Variants in RTN4IP1 observed in about 807,000 individuals in gnomAD.
The protein encoded by RTN4IP1 is NAD(P)H oxidoreductase RTN4IP1, mitochondrial.
RTN4IP1 carries 32 observed loss-of-function variants against 46.6 expected under a neutral mutation model. That is an observed-to-expected ratio of 0.69 (90% CI 0.52 to 0.92). The LOEUF is 0.92. Ranked by LOEUF, RTN4IP1 falls within the 40% of genes least tolerant of loss-of-function variation. The pLI is 0.00. For synonymous variants in RTN4IP1, 167 were observed against 161.8 expected (o/e 1.03, Z -0.24); for missense variants, 424 against 485.8 (o/e 0.87, Z 1.20).
In RTN4IP1 at chr6:106,621,486, G is replaced by A. The variant is rs1421876472; in HGVS notation, c.434C>T (p.Ala145Val). The A allele has an allele frequency of 1.9e-6, 3 of 1,613,730 alleles. No individual in the cohort carries two copies. Among genetic ancestry groups the A allele is most frequent in the Non-Finnish European group, 2.5e-6 (3 of 1,179,732 alleles). Residue 145 changes from alanine to valine, a missense_variant, in exon 3 of 9, where the codon GCT becomes GTT. Coordinates refer to ENST00000369063, the MANE Select transcript of RTN4IP1 (RefSeq NM_032730.5). ...GCCTTGTTTCCAAGGAGGAACTGCAGCCCAGACCTGAAACACACACAGACA... is the reference window on the plus strand; with the variant it reads ...GCCTTGTTTCCAAGGAGGAACTGCAACCCAGACCTGAAACACACACAGACA... ...KYFKPGDEVW[A>V]AVPPWKQGTL...
rs768014057 is a variant in RTN4IP1, at chr6:106,583,381, T to A, written c.1030A>T (p.Met344Leu). 2.5e-6 allele frequency: 4 copies of A among 1,613,586 alleles called. No homozygotes were observed. The South Asian group carries it at 3.3e-5, about 13-fold the overall frequency. Residue 344 changes from methionine (M) to leucine (L), a missense_variant, in exon 8 of 9, where the codon ATG becomes TTG. Physicochemically the swap from Met to Leu is conservative, Grantham distance 15. Transcript: ENST00000369063. ...KGVHYRWAFFMASGPCLDDIA... is the reference protein window; with the variant it reads ...KGVHYRWAFFLASGPCLDDIA... ...TCATCTAAACATGGGCCACTGGCCA[T>A]GAAAAATGCCCAGCGATAATGGACT...
intron 1 of RTN4IP1, among the ~76,000 whole-genome samples, chr6:106,626,681 C>T (rs755799282): frequency 6.6e-6 from 1 of 152,176 alleles, no homozygotes; most frequent in Non-Finnish European, 1.5e-5. Flanking sequence ...ATGTAGTCAG[C>T]TGGCAGTTAG....
chr6:106,582,818 G>A (rs1439920762), intron 8 of RTN4IP1, among the ~76,000 whole-genome samples: 1 of 152,022 alleles, frequency 6.6e-6, no homozygotes, highest in African/African-American at 2.4e-5. Flanking sequence ...CAGAGTCCAC[G>A]GCAGGACAGA....
intron 1 of RTN4IP1, among the ~76,000 whole-genome samples, chr6:106,628,025 G>A (rs115406299): frequency 0.019 from 2,672 of 140,380 alleles, 69 homozygotes; most frequent in African/African-American, 0.068. Flanking sequence ...CCAGGAAAGC[G>A]CCCTTGCACT....
At chr6:106,577,877 T>C (rs1175984606) in intron 8 of RTN4IP1, among the ~76,000 whole-genome samples, 1 of 152,144 alleles carries the variant, frequency 6.6e-6, no homozygotes, top group Non-Finnish European at 1.5e-5. Flanking sequence ...TCCTCCCGTA[T>C]AGCCTGCTTC....
intron 8 of RTN4IP1, among the ~76,000 whole-genome samples, chr6:106,577,032 A>G (rs148117331): frequency 6.6e-6 from 1 of 152,356 alleles, no homozygotes; most frequent in East Asian, 1.9e-4. Context: ...TTCAACCAAG[A>G]TGCTTGGCTG....
intron 5 of RTN4IP1, among the ~76,000 whole-genome samples, chr6:106,592,904 G>A (rs1397667790): frequency 3.3e-5 from 5 of 151,850 alleles, no homozygotes; most frequent in South Asian, 2.1e-4. Flanking sequence ...ACTCCAGCCT[G>A]GGGTACAAGA....
chr6:106,606,795 G>A (rs555848841), intron 4 of RTN4IP1, among the ~76,000 whole-genome samples: 203 of 152,184 alleles, frequency 1.3e-3, no homozygotes, highest in African/African-American at 4.7e-3. Flanking sequence ...CTCATGGATT[G>A]GAAAAATAAA....
In RTN4IP1 at chr6:106,623,545, A is replaced by T. The variant is rs182914385; in HGVS notation, c.275-576T>A. 3.4e-3 allele frequency among the ~76,000 whole-genome samples: 511 copies of T among 152,316 alleles called. 5 individuals are homozygous for T. The highest frequency in any genetic ancestry group is 0.011 in the African/African-American group (477 of 41,576). On this transcript the variant is annotated intron_variant, in intron 1 of 8. Coordinates refer to ENST00000369063, the MANE Select transcript of RTN4IP1 (RefSeq NM_032730.5). ...GTACCTCTCAACTTAAAAGTTTTTTAAAAAAGTAATCAACCTTATAATTTT... is the reference window on the plus strand; with the variant it reads ...GTACCTCTCAACTTAAAAGTTTTTTTAAAAAGTAATCAACCTTATAATTTT...
chr6:106,606,159 C>T (rs1389555535), intron 4 of RTN4IP1, among the ~76,000 whole-genome samples: 5 of 152,096 alleles, frequency 3.3e-5, no homozygotes, highest in South Asian at 2.1e-4. Flanking sequence ...CAGTGGCTCA[C>T]GCCTGTAATC....
intron 1 of RTN4IP1, among the ~76,000 whole-genome samples, chr6:106,625,435 A>C (rs1358378000): frequency 6.6e-6 from 1 of 152,104 alleles, no homozygotes. Flanking sequence ...AGAGGCTTTA[A>C]AACAAACAAA....
chr6:106,584,257 G>T (rs1034260744), intron 7 of RTN4IP1, among the ~76,000 whole-genome samples: 8 of 152,140 alleles, frequency 5.3e-5, no homozygotes, highest in Non-Finnish European at 1.2e-4. Flanking sequence ...TATTCTTTAT[G>T]TCAAAGGTAG....
chr6:106,629,740 G>A (rs758001176), upstream of RTN4IP1: 18 of 1,591,598 alleles, frequency 1.1e-5, no homozygotes, highest in East Asian at 4.6e-5. Flanking sequence ...CCCCCGGGAG[G>A]GCGGAAAGTT....
chr6:106,623,618 T>C (rs1377625985), intron 1 of RTN4IP1, among the ~76,000 whole-genome samples: 1 of 152,244 alleles, frequency 6.6e-6, no homozygotes, highest in Non-Finnish European at 1.5e-5. Flanking sequence ...AAAAAAAATT[T>C]ACTTGGAAAG....
chr6:106,585,959 C>T (rs915672420), intron 7 of RTN4IP1, among the ~76,000 whole-genome samples: 4 of 152,192 alleles, frequency 2.6e-5, no homozygotes, highest in African/African-American at 9.7e-5. Flanking sequence ...AGACAAGGGA[C>T]AGCTAAGAGC....
intron 2 of RTN4IP1, 53 bp from the exon 3 acceptor site, chr6:106,621,546 C>A: frequency 2.0e-6 from 3 of 1,508,230 alleles, no homozygotes; most frequent in South Asian, 2.3e-5. Flanking sequence ...ATTTTTTGAC[C>A]GAAGCTAAGC....
chr6:106,570,829 T>C lies in RTN4IP1; in HGVS notation c.*1167A>G, dbSNP rs1013389023. 10 of 152,148 alleles carry C rather than the reference T, an allele frequency of 6.6e-5. No homozygotes were observed. The highest frequency in any genetic ancestry group is 1.2e-4 in the African/African-American group (5 of 41,422). 9.4% of individuals were successfully genotyped at this position (152,148 alleles called of 1,614,324 possible). ...TTTAGAGAAAAGCCTACATCTAACA[T>C]ACATGCTACCAAACGAGTGTCTAAC... On this transcript the variant is annotated 3_prime_UTR_variant, in exon 9 of 9. Coordinates refer to ENST00000369063, the MANE Select transcript of RTN4IP1 (RefSeq NM_032730.5).
chr6:106,627,466 A>T (rs1304160465), intron 1 of RTN4IP1, among the ~76,000 whole-genome samples: 1 of 152,236 alleles, frequency 6.6e-6, no homozygotes, highest in African/African-American at 2.4e-5. Flanking sequence ...ATAGTGACTG[A>T]ATGACAACTG....
chr6:106,590,135 T>C (rs1040888572), intron 6 of RTN4IP1, among the ~76,000 whole-genome samples: 1 of 151,416 alleles, frequency 6.6e-6, no homozygotes, highest in African/African-American at 2.4e-5. Context: ...CCGGCCAACA[T>C]GGTGAAACTA....
Sources: gnomAD v4.1 joint callset for allele counts (sites outside exome capture counted in the v4.1 genomes callset) on GRCh38, gnomAD v4.1.1 for gene constraint, MANE v1.5 for transcripts, NCBI Gene and HGNC (gene_info 2026-07-23, HGNC 2026-07-21) for gene names.